LRCH3: variants seen among roughly 807,000 people sequenced by gnomAD.
LRCH3 encodes DISP complex protein LRCH3.
A neutral mutation model predicts 104.5 loss-of-function variants in LRCH3; 68 were observed. The observed-to-expected ratio is 0.65, with a 90% CI of 0.54 to 0.80. LRCH3 has a LOEUF of 0.80. Ranked by LOEUF, LRCH3 falls within the 30% of genes least tolerant of loss-of-function variation. The pLI is 0.00. For synonymous variants in LRCH3, 344 were observed against 361.3 expected (o/e 0.95, Z 0.54); for missense variants, 951 against 953.9 (o/e 1.00, Z 0.04).
chr3:197,802,827 G>T (rs1036337489), intron 1 of LRCH3, among the ~76,000 whole-genome samples: 1 of 152,214 alleles, frequency 6.6e-6, no homozygotes, highest in Non-Finnish European at 1.5e-5. Context: ...AAAGCGAAAA[G>T]AAGTGATTGA....
At chr3:197,847,269 A>G in intron 10 of LRCH3, 140 bp from the exon 11 acceptor site, 1 of 688,752 alleles carries the variant, frequency 1.5e-6, no homozygotes, top group South Asian at 2.2e-5. Context: ...AAATGCAGCT[A>G]CTCCTTCAAT....
Position 197,865,425 on chromosome 3 carries a change from T to G in LRCH3, c.1719T>G (p.Ser573Arg). Residue 573 changes from serine to arginine, a missense_variant and splice_region_variant, in exon 16 of 21, where the codon AGT (serine) becomes AGG (arginine). Ser to Arg is a moderately radical substitution (Grantham distance 110). Transcript: ENST00000425562. ...GATATATGTCTGTTTCTCCACAGAG[T>G]GATGACAGACCTAATGCTCTATTAA... ...PHSSAFTPLK[S>R]DDRPNALLSS... The G allele has an allele frequency of 6.4e-7, 1 of 1,570,068 alleles. No individual in the cohort carries two copies. The highest frequency in any genetic ancestry group is 8.7e-7 in the Non-Finnish European group (1 of 1,153,104).
rs762118967 is a variant in LRCH3, at chr3:197,885,192, C to G, written c.*1526C>G. ...CCTCCCTCCCCGCCCTCCTGCTGCT[C>G]CTCAGACATCTGGGCCTGCAGACAC... On this transcript the variant is annotated 3_prime_UTR_variant, in exon 21 of 21. Coordinates refer to ENST00000425562, the MANE Select transcript of LRCH3 (RefSeq NM_001365715.1). 1 of 152,318 alleles carries G rather than the reference C, an allele frequency of 6.6e-6. No homozygotes were observed. Among genetic ancestry groups the G allele is most frequent in the Admixed American group, 6.5e-5 (1 of 15,280 alleles). 9.4% of individuals were successfully genotyped at this position (152,318 alleles called of 1,614,324 possible). A position where few individuals can be genotyped will look rare whatever the true frequency, so the allele number is the denominator to read the frequency against.
Position 197,864,413 on chromosome 3 carries a change from G to T in LRCH3, c.1717-1010G>T, listed in dbSNP as rs533419905. Among the ~76,000 whole-genome samples, 9 of 149,770 alleles carry T rather than the reference G, an allele frequency of 6.0e-5. No homozygotes were observed. In the South Asian group the frequency reaches 1.9e-3, roughly 31 times the overall value. On this transcript the variant is annotated intron_variant, in intron 15 of 20. Coordinates refer to ENST00000425562, the MANE Select transcript of LRCH3 (RefSeq NM_001365715.1). The stretch of plus-strand genomic sequence containing the variant: ...ACCTGAGGTTGGGAGTTCGAGAACG[G>T]CCTGACTAACATGGAGAAACCCCGT...
intron 19 of LRCH3, among the ~76,000 whole-genome samples, chr3:197,872,360 G>GAAAAAAA (rs56254857): frequency 9.5e-6 from 1 of 105,388 alleles, no homozygotes; most frequent in Non-Finnish European, 1.9e-5. Context: ...CTGTCTCAAA[G>GAAAAAAA]AAAAAAAAAA....
intron 1 of LRCH3, among the ~76,000 whole-genome samples, chr3:197,807,252 T>C (rs2109141693): frequency 6.6e-6 from 1 of 151,232 alleles, no homozygotes; most frequent in African/African-American, 2.4e-5. Context: ...AGTCTCGTTC[T>C]GTCGCCCAGG....
At chr3:197,858,652 CTG>C in intron 14 of LRCH3, among the ~76,000 whole-genome samples, 180 bp from the exon 15 acceptor site, 1 of 152,196 alleles carries the variant, frequency 6.6e-6, no homozygotes, top group Admixed American at 6.5e-5. Context: ...AGTGGAAAAA[CTG>C]TGTCCATGGG....
intron 3 of LRCH3, among the ~76,000 whole-genome samples, chr3:197,819,121 G>A (rs1190055568): frequency 1.4e-5 from 2 of 148,120 alleles, no homozygotes; most frequent in Admixed American, 6.8e-5. Context: ...GTGAGATTCC[G>A]TCTGGGAAAA....
intron 20 of LRCH3, chr3:197,881,537 T>C: frequency 1.0e-6 from 1 of 985,274 alleles, no homozygotes; most frequent in Non-Finnish European, 1.2e-6. Flanking sequence ...TTCTAACATA[T>C]TCAAACCTTC....
intron 8 of LRCH3, among the ~76,000 whole-genome samples, chr3:197,834,977 C>G (rs1226083118): frequency 2.0e-5 from 3 of 151,996 alleles, no homozygotes; most frequent in African/African-American, 7.2e-5. Flanking sequence ...AACCCCGTCT[C>G]TACTAAAAAT....
chr3:197,795,979 C>G (rs113639104), intron 1 of LRCH3, among the ~76,000 whole-genome samples: 1 of 152,096 alleles, frequency 6.6e-6, no homozygotes, highest in South Asian at 2.1e-4. Context: ...GTGTGACCCA[C>G]CGCACCCGGC....
intron 19 of LRCH3, among the ~76,000 whole-genome samples, chr3:197,872,359 A>AG (rs1712305086): frequency 1.0e-5 from 1 of 95,360 alleles, no homozygotes; most frequent in Admixed American, 9.7e-5. Context: ...CCTGTCTCAA[A>AG]GAAAAAAAAA....
chr3:197,806,656 A>C (rs1042081335), intron 1 of LRCH3, among the ~76,000 whole-genome samples: 2 of 150,960 alleles, frequency 1.3e-5, no homozygotes, highest in Non-Finnish European at 3.0e-5. Context: ...AGGCAGGTGG[A>C]TCACCTGAGG....
intron 14 of LRCH3, among the ~76,000 whole-genome samples, chr3:197,855,200 GACATTCCTGTT>G (rs1334645926): frequency 1.3e-5 from 2 of 152,204 alleles, no homozygotes; most frequent in African/African-American, 4.8e-5. Flanking sequence ...GCCTCAGCAT[GACATTCCTGTT>G]ACATCAGCTT....
intron 4 of LRCH3, among the ~76,000 whole-genome samples, chr3:197,826,044 G>GGTTA (rs936399099): frequency 2.0e-5 from 3 of 151,642 alleles, no homozygotes; most frequent in African/African-American, 4.8e-5. Flanking sequence ...TCCTTTTTTT[G>GGTTA]GTTAGTTAGT....
At chr3:197,833,243 G>A (rs1471774571) in intron 8 of LRCH3, among the ~76,000 whole-genome samples, 1 of 151,764 alleles carries the variant, frequency 6.6e-6, no homozygotes, top group African/African-American at 2.4e-5. Context: ...TTTTAGGCTG[G>A]GCGTGGTGGC....
chr3:197,801,674 TTTC>T (rs1201278240), intron 1 of LRCH3, among the ~76,000 whole-genome samples: 1 of 152,196 alleles, frequency 6.6e-6, no homozygotes, highest in African/African-American at 2.4e-5. Context: ...AATATCATCT[TTTC>T]TTCTACTAGA....
chr3:197,809,320 T>G lies in LRCH3; in HGVS notation c.263-5588T>G, dbSNP rs539754233. On this transcript the variant is annotated intron_variant, in intron 1 of 20. Coordinates refer to ENST00000425562, the MANE Select transcript of LRCH3 (RefSeq NM_001365715.1). ...CTAAAAAAAAAAAAAGGACTTTTTT[T>G]CTCTGTCTTCCGTTTTCAGAAGTTT... is the stretch of plus-strand genomic sequence containing the variant. Among the ~76,000 whole-genome samples, 3 of 152,178 alleles carry G rather than the reference T, an allele frequency of 2.0e-5. No homozygotes were observed. In the South Asian group the frequency reaches 6.2e-4, roughly 32 times the overall value.
At chr3:197,798,405 A>G (rs1056893468) in intron 1 of LRCH3, among the ~76,000 whole-genome samples, 1 of 152,262 alleles carries the variant, frequency 6.6e-6, no homozygotes, top group African/African-American at 2.4e-5. Context: ...TGAATGAAAT[A>G]CAGAAAATGA....
Sources: allele counts gnomAD v4.1 joint callset (sites outside exome capture counted in the v4.1 genomes callset), GRCh38; gene constraint gnomAD v4.1.1; transcripts MANE v1.5; gene names NCBI Gene and HGNC (gene_info 2026-07-23, HGNC 2026-07-21).